Variants in GBE1 observed in about 807,000 individuals in gnomAD.
The protein encoded by GBE1 is 1,4-alpha-glucan branching enzyme 1.
A neutral mutation model predicts 88.8 loss-of-function variants in GBE1; 70 were observed. The ratio of observed to expected loss-of-function variants is 0.79; its 90% CI spans 0.65 to 0.96. GBE1 has a LOEUF of 0.96. Among genes scored for constraint, GBE1 ranks in the 40% least tolerant of loss-of-function variants. The probability of loss-of-function intolerance (pLI) is 0.00; values close to 1 mark genes in which losing one functional copy is unlikely to be tolerated. For missense variants in GBE1, 872 were observed against 871.0 expected, an observed-to-expected ratio of 1.00 and a Z score of -0.01; for synonymous variants, 284 against 300.1, an observed-to-expected ratio of 0.95 and a Z score of 0.56.
At chr3:81,714,193 C>T (rs1229879448) in intron 1 of GBE1, among the ~76,000 whole-genome samples, 2 of 152,148 alleles carry the variant, frequency 1.3e-5, no homozygotes, top group Admixed American at 1.3e-4. Context: ...ACATACAATA[C>T]TGGCACATAA....
intron 2 of GBE1, among the ~76,000 whole-genome samples, chr3:81,683,606 C>T (rs910750422): frequency 4.6e-5 from 7 of 152,296 alleles, no homozygotes; most frequent in Non-Finnish European, 1.0e-4. Flanking sequence ...GTGGTGGCTT[C>T]AGAGGTGATT....
At chr3:81,649,725 T>C (rs1704817936) in intron 4 of GBE1, 71 bp downstream of exon 4, 2 of 1,316,946 alleles carry the variant, frequency 1.5e-6, no homozygotes, top group African/African-American at 3.0e-5. Flanking sequence ...ACTATAAAAG[T>C]TATAAAAGTA....
chr3:81,625,175 A>C (rs1704395502), intron 7 of GBE1, among the ~76,000 whole-genome samples: 1 of 151,958 alleles, frequency 6.6e-6, no homozygotes, highest in Non-Finnish European at 1.5e-5. Flanking sequence ...AGAATGCTTC[A>C]CTCCTGCCTT....
At chr3:81,495,143 C>T (rs1456170819) in intron 15 of GBE1, among the ~76,000 whole-genome samples, 1 of 152,150 alleles carries the variant, frequency 6.6e-6, no homozygotes, top group African/African-American at 2.4e-5. Context: ...AATCCCAGTA[C>T]TTTGGGAGGC....
chr3:81,655,232 G>A (rs1704916655), intron 3 of GBE1, among the ~76,000 whole-genome samples: 1 of 152,096 alleles, frequency 6.6e-6, no homozygotes, highest in East Asian at 1.9e-4. Flanking sequence ...TTTTAGTAGA[G>A]AAAGGGTTTC....
intron 3 of GBE1, among the ~76,000 whole-genome samples, chr3:81,661,971 A>C (rs759571004): frequency 4.6e-5 from 7 of 152,190 alleles, no homozygotes; most frequent in South Asian, 2.1e-4. Flanking sequence ...TTTAACAAAA[A>C]TTTACAATTA....
At chr3:81,579,063 T>C (rs1020705326) in intron 11 of GBE1, among the ~76,000 whole-genome samples, 98 of 152,108 alleles carry the variant, frequency 6.4e-4, no homozygotes, top group African/African-American at 2.3e-3. Flanking sequence ...CTACAATCTC[T>C]GATTCTATTA....
At chr3:81,593,861 G>A in intron 8 of GBE1, 47 bp downstream of exon 8, 1 of 880,886 alleles carries the variant, frequency 1.1e-6, no homozygotes, top group Non-Finnish European at 1.8e-6. Context: ...AATGGCTATT[G>A]CAGCTTCTGC....
At chr3:81,512,795 A>C (rs920603613) in intron 14 of GBE1, among the ~76,000 whole-genome samples, 4 of 151,892 alleles carry the variant, frequency 2.6e-5, no homozygotes, top group African/African-American at 9.7e-5. Context: ...GGTTAATGTA[A>C]GTAAAAGTAT....
chr3:81,617,149 T>C (rs1030083690), intron 7 of GBE1, among the ~76,000 whole-genome samples: 17 of 151,964 alleles, frequency 1.1e-4, no homozygotes, highest in Non-Finnish European at 2.4e-4. Flanking sequence ...ATATATACAA[T>C]CATGTCAACC....
rs143558214 is a variant in GBE1 at position 81,678,020 on chromosome 3, T to C, written c.314-7067A>G. Reference sequence around the variant, plus strand: ...TAGAAAATAAATCAAATACAGTCATTTGTTCATTACTTAAAAATGGGGATA... The same window carrying C: ...TAGAAAATAAATCAAATACAGTCATCTGTTCATTACTTAAAAATGGGGATA... On this transcript the variant is annotated intron_variant, in intron 2 of 15. Transcript: ENST00000429644. Among the ~76,000 whole-genome samples, 817 of 152,296 alleles carry C rather than the reference T, an allele frequency of 5.4e-3. 10 individuals are homozygous for C. The highest frequency in any genetic ancestry group is 0.015 in the African/African-American group (604 of 41,548).
intron 3 of GBE1, 59 bp downstream of exon 3, chr3:81,670,779 G>T: frequency 1.1e-6 from 1 of 889,278 alleles, no homozygotes; most frequent in Non-Finnish European, 1.7e-6. Context: ...AATCAAACTT[G>T]GCAAACAAGA....
intron 1 of GBE1, among the ~76,000 whole-genome samples, chr3:81,717,228 G>A (rs967492286): frequency 2.0e-5 from 3 of 152,178 alleles, no homozygotes; most frequent in Non-Finnish European, 4.4e-5. Flanking sequence ...TGTTTCACCA[G>A]CTCTTGGCTC....
intron 7 of GBE1, among the ~76,000 whole-genome samples, chr3:81,628,896 G>A (rs1049562395): frequency 6.7e-6 from 1 of 149,002 alleles, no homozygotes; most frequent in African/African-American, 2.5e-5. Context: ...TATTTGAGAG[G>A]TAAAAACAAG....
intron 1 of GBE1, among the ~76,000 whole-genome samples, chr3:81,748,284 A>G (rs1431490931): frequency 6.6e-6 from 1 of 152,226 alleles, no homozygotes; most frequent in African/African-American, 2.4e-5. Context: ...TAAAACCACA[A>G]TGACATAGCA....
At chr3:81,760,387 A>G (rs1303022058) in intron 1 of GBE1, among the ~76,000 whole-genome samples, 3 of 152,138 alleles carry the variant, frequency 2.0e-5, no homozygotes. Context: ...CATTTTCATT[A>G]CTCTCAACGC....
intron 12 of GBE1, among the ~76,000 whole-genome samples, chr3:81,557,365 A>G (rs530046273): frequency 6.6e-6 from 1 of 152,206 alleles, no homozygotes; most frequent in African/African-American, 2.4e-5. Context: ...TGACTTAGCT[A>G]TGGCTGGATG....
chr3:81,711,092 T>G (rs1415336570), intron 1 of GBE1, among the ~76,000 whole-genome samples: 1 of 152,166 alleles, frequency 6.6e-6, no homozygotes, highest in East Asian at 1.9e-4. Flanking sequence ...AGATCAGTAC[T>G]GAAGCTCTAA....
chr3:81,740,270 G>A (rs955300214), intron 1 of GBE1, among the ~76,000 whole-genome samples: 4 of 126,008 alleles, frequency 3.2e-5, no homozygotes, highest in Admixed American at 7.9e-5. Context: ...ACAGTGTATT[G>A]GTTATTTATT....
Sources: gnomAD v4.1 joint callset for allele counts (sites outside exome capture counted in the v4.1 genomes callset) on GRCh38, gnomAD v4.1.1 for gene constraint, MANE v1.5 for transcripts, NCBI Gene and HGNC (gene_info 2026-07-23, HGNC 2026-07-21) for gene names.